The following KCNJ6 variants were observed in gnomAD, a reference collection of about 807,000 sequenced individuals.
KCNJ6 encodes potassium inwardly rectifying channel subfamily J member 6, also known as G protein-activated inward rectifier potassium channel 2.
KCNJ6 carries 9 observed loss-of-function variants against 34.2 expected under a neutral mutation model. The observed-to-expected ratio is 0.26, with a 90% CI of 0.16 to 0.46. KCNJ6 has a LOEUF of 0.46. Ranked by LOEUF, KCNJ6 falls within the 20% of genes least tolerant of loss-of-function variation. The pLI, the probability that KCNJ6 is intolerant of heterozygous loss-of-function variation, is 1.00. For synonymous variants in KCNJ6, 196 were observed against 207.1 expected, an observed-to-expected ratio of 0.95 and a Z score of 0.46; for missense variants, 236 against 531.3, an observed-to-expected ratio of 0.44 and a Z score of 5.46.
At chr21:37,915,697 C>T (rs952125714) in intron 1 of KCNJ6, among the ~76,000 whole-genome samples, 187 bp downstream of exon 1, 2 of 152,242 alleles carry the variant, frequency 1.3e-5, no homozygotes, top group Admixed American at 6.5e-5. Context: ...ACAGATTCCC[C>T]TTCTGTTATG....
chr21:37,881,516 T>C lies in KCNJ6; in HGVS notation c.-28+34368A>G, dbSNP rs144292403. Among the ~76,000 whole-genome samples the C allele has an allele frequency of 7.4e-4, 113 of 152,082 alleles. No homozygotes were observed. The East Asian group carries it at 0.014, about 19-fold the overall frequency. On this transcript the variant is annotated intron_variant, in intron 1 of 3. Transcript: ENST00000609713. ...GAGAAAGTGCTCTTCCTCTGCTTCTTTTGTTGTTGTTGTTATTGTTGTTTT... is the reference window on the plus strand; with the variant it reads ...GAGAAAGTGCTCTTCCTCTGCTTCTCTTGTTGTTGTTGTTATTGTTGTTTT...
chr21:37,910,904 T>A (rs762650013), intron 1 of KCNJ6, among the ~76,000 whole-genome samples: 15 of 152,214 alleles, frequency 9.9e-5, no homozygotes, highest in Non-Finnish European at 1.8e-4. Flanking sequence ...CATTGCACAC[T>A]GCACAAAATC....
At chr21:37,814,261 T>G (rs1601484490) in intron 2 of KCNJ6, among the ~76,000 whole-genome samples, 1 of 152,002 alleles carries the variant, frequency 6.6e-6, no homozygotes, top group Non-Finnish European at 1.5e-5. Context: ...CAATAACAAA[T>G]AAAATAGCTT....
intron 3 of KCNJ6, among the ~76,000 whole-genome samples, chr21:37,711,396 C>T (rs115876407): frequency 0.012 from 1,834 of 152,182 alleles, 51 homozygotes; most frequent in African/African-American, 0.042. Context: ...GAGGCCTGCT[C>T]GTGGAGACCA....
intron 3 of KCNJ6, among the ~76,000 whole-genome samples, chr21:37,644,853 T>G (rs2054396361): frequency 6.6e-6 from 1 of 152,074 alleles, no homozygotes; most frequent in Non-Finnish European, 1.5e-5. Flanking sequence ...AAATTCTTCT[T>G]AAAGTTAAGG....
chr21:37,732,427 C>T (rs1016803331), intron 2 of KCNJ6, among the ~76,000 whole-genome samples: 2 of 152,212 alleles, frequency 1.3e-5, no homozygotes, highest in Non-Finnish European at 2.9e-5. Context: ...GGTTTTCCCA[C>T]TCCAGTTAAG....
At chr21:37,857,475 C>G (rs945517397) in intron 1 of KCNJ6, among the ~76,000 whole-genome samples, 1 of 152,212 alleles carries the variant, frequency 6.6e-6, no homozygotes, top group Non-Finnish European at 1.5e-5. Context: ...AGAAAATGCT[C>G]AGATCTGCCA....
In KCNJ6 at chr21:37,615,241, A is replaced by ATTTTTTTTTTTTTTTT. The variant is rs2054262036; in HGVS notation, c.*9917_*9918insAAAAAAAAAAAAAAAA. The stretch of plus-strand genomic sequence containing the variant: ...CAGACCCTCGACTGACATTCCCAGC[A>ATTTTTTTTTTTTTTTT]TTCTTTTTTTTTTTTTTTTTTTTTT... On this transcript the variant is annotated 3_prime_UTR_variant, in exon 4 of 4. Coordinates refer to ENST00000609713, the MANE Select transcript of KCNJ6 (RefSeq NM_002240.5). 1.3e-4 allele frequency: 15 copies of ATTTTTTTTTTTTTTTT among 111,856 alleles called. 4 individuals carry two copies. Among genetic ancestry groups the ATTTTTTTTTTTTTTTT allele is most frequent in the African/African-American group, 1.5e-4 (4 of 26,214 alleles). The allele number at this position is 111,856 out of a possible 1,614,324, so 6.9% of individuals were successfully genotyped here.
In KCNJ6 at chr21:37,617,221, T is replaced by TTCC. The variant is rs1569430228; in HGVS notation, c.*7937_*7938insGGA. ...CCTTCCTTCCTTCCTTCCTTCCTTC[T>TTCC]TTTCTTTCTTTTTTTGAGACTGAGT... On this transcript the variant is annotated 3_prime_UTR_variant, in exon 4 of 4. Transcript: ENST00000609713. 1.0e-5 allele frequency: 1 copy of TTCC among 98,762 alleles called. No individual in the cohort carries two copies. The highest frequency in any genetic ancestry group is 2.2e-5 in the Non-Finnish European group (1 of 46,274). 6.1% of individuals were successfully genotyped at this position (98,762 alleles called of 1,614,324 possible). A position where few individuals can be genotyped will look rare whatever the true frequency, so the allele number is the denominator to read the frequency against.
At chr21:37,727,866 T>C (rs2054863327) in intron 2 of KCNJ6, among the ~76,000 whole-genome samples, 1 of 151,986 alleles carries the variant, frequency 6.6e-6, no homozygotes, top group South Asian at 2.1e-4. Flanking sequence ...TCTATTTCAG[T>C]TGATTCATTG....
At chr21:37,872,374 T>C (rs997867661) in intron 1 of KCNJ6, among the ~76,000 whole-genome samples, 1 of 152,206 alleles carries the variant, frequency 6.6e-6, no homozygotes, top group African/African-American at 2.4e-5. Context: ...GCCTGGAGTC[T>C]GGATCTTACA....
At chr21:37,844,262 G>A (rs2055495531) in intron 1 of KCNJ6, among the ~76,000 whole-genome samples, 1 of 152,128 alleles carries the variant, frequency 6.6e-6, no homozygotes, top group East Asian at 1.9e-4. Flanking sequence ...GTTTCACCAC[G>A]TTGGCCAGGC....
intron 2 of KCNJ6, among the ~76,000 whole-genome samples, chr21:37,737,352 T>C (rs2054918422): frequency 6.6e-6 from 1 of 152,218 alleles, no homozygotes; most frequent in East Asian, 1.9e-4. Flanking sequence ...AGTGGAAATA[T>C]TTGCATTTTC....
At chr21:37,740,784 G>A (rs1040726715) in intron 2 of KCNJ6, among the ~76,000 whole-genome samples, 1 of 152,206 alleles carries the variant, frequency 6.6e-6, no homozygotes, top group African/African-American at 2.4e-5. Context: ...TGAATAGCAT[G>A]ATTTGGCTTT....
intron 2 of KCNJ6, among the ~76,000 whole-genome samples, chr21:37,821,698 C>T (rs1158674436): frequency 6.6e-6 from 1 of 152,168 alleles, no homozygotes; most frequent in Non-Finnish European, 1.5e-5. Context: ...TTCTTTATCA[C>T]TTTCTCATTT....
chr21:37,771,023 T>C (rs1397639274), intron 2 of KCNJ6, among the ~76,000 whole-genome samples: 1 of 152,196 alleles, frequency 6.6e-6, no homozygotes, highest in African/African-American at 2.4e-5. Flanking sequence ...GTTGGTGTGC[T>C]TTTGCCTGTA....
intron 3 of KCNJ6, among the ~76,000 whole-genome samples, chr21:37,689,038 TAAATC>T (rs908909887): frequency 1.5e-4 from 23 of 152,224 alleles, no homozygotes; most frequent in African/African-American, 5.1e-4. Flanking sequence ...TCGTTGGTGA[TAAATC>T]AAAGGTGATA....
intron 2 of KCNJ6, among the ~76,000 whole-genome samples, chr21:37,832,217 G>A (rs1172937932): frequency 1.3e-5 from 2 of 151,208 alleles, no homozygotes; most frequent in Non-Finnish European, 1.5e-5. Flanking sequence ...ACCTGTGTGA[G>A]TGTGAACCTG....
chr21:37,690,197 C>G (rs2054633404), intron 3 of KCNJ6, among the ~76,000 whole-genome samples: 1 of 152,068 alleles, frequency 6.6e-6, no homozygotes, highest in Non-Finnish European at 1.5e-5. Flanking sequence ...TCATTATGAA[C>G]TACTCAATGT....
Sources: gnomAD v4.1 joint callset for allele counts (sites outside exome capture counted in the v4.1 genomes callset) on GRCh38, gnomAD v4.1.1 for gene constraint, MANE v1.5 for transcripts, NCBI Gene and HGNC (gene_info 2026-07-23, HGNC 2026-07-21) for gene names.